Variants in NTM observed in about 807,000 individuals in gnomAD.
NTM encodes neurotrimin, also known as IgLON family member 2.
In NTM, 13 loss-of-function variants were observed where a neutral mutation model predicts 42.1. The observed-to-expected ratio is 0.31, with a 90% CI of 0.20 to 0.49. The LOEUF is 0.49. NTM is among the 20% of genes least tolerant of loss of function. NTM has a pLI of 0.99. For missense variants in NTM, 373 were observed against 452.8 expected (o/e 0.82, Z 1.60); for synonymous variants, 187 against 179.2 (o/e 1.04, Z -0.35).
chr11:131,711,005 C>T (rs1278231539), intron 1 of NTM, among the ~76,000 whole-genome samples: 1 of 152,188 alleles, frequency 6.6e-6, no homozygotes, highest in Non-Finnish European at 1.5e-5. Context: ...CTTCTTCTCT[C>T]TCCTTATTCT....
At chr11:131,464,981 A>C (rs1338510952) in intron 1 of NTM, among the ~76,000 whole-genome samples, 3 of 152,202 alleles carry the variant, frequency 2.0e-5, no homozygotes, top group Non-Finnish European at 2.9e-5. Flanking sequence ...CTTTGGAAAA[A>C]TCACACATGT....
At chr11:131,818,235 TCCCACCAC>T (rs1016391516) in intron 1 of NTM, among the ~76,000 whole-genome samples, 1 of 140,228 alleles carries the variant, frequency 7.1e-6, no homozygotes, top group African/African-American at 3.3e-5. Context: ...CTCAGAGGGC[TCCCACCAC>T]CCAGGCCTGC....
Position 132,014,520 on chromosome 11 carries a change from GA to G in NTM, c.167+102873del, listed in dbSNP as rs141233434. Among the ~76,000 whole-genome samples the G allele has an allele frequency of 6.6e-3, 1,001 of 152,062 alleles. 14 individuals carry two copies. The highest frequency in any genetic ancestry group is 0.022 in the African/African-American group (934 of 41,520). ...TTACATTCCCACCAGCAGTATGTAAGAGTTGCCTTTTCTCTGCTTTCTGCAT... is the reference window on the plus strand; with the variant it reads ...TTACATTCCCACCAGCAGTATGTAAGGTTGCCTTTTCTCTGCTTTCTGCAT... On this transcript the variant is annotated intron_variant, in intron 2 of 8. Transcript: ENST00000683400.
At chr11:131,884,240 T>C (rs2050004085) in intron 1 of NTM, among the ~76,000 whole-genome samples, 1 of 151,994 alleles carries the variant, frequency 6.6e-6, no homozygotes, top group Non-Finnish European at 1.5e-5. Flanking sequence ...AGAAACCCTA[T>C]CTCTACTAAA....
intron 7 of NTM, 69 bp downstream of exon 7, chr11:132,314,772 G>T: frequency 6.7e-7 from 1 of 1,498,072 alleles, no homozygotes. Context: ...GGGTGGGAGG[G>T]CCCCTCAAGG....
At chr11:132,225,509 T>G (rs1257537740) in intron 4 of NTM, among the ~76,000 whole-genome samples, 1 of 151,954 alleles carries the variant, frequency 6.6e-6, no homozygotes, top group Non-Finnish European at 1.5e-5. Flanking sequence ...ATGCATTTGG[T>G]GCGTATGAAG....
chr11:131,450,331 G>T (rs879517082), intron 1 of NTM, among the ~76,000 whole-genome samples: 1 of 152,160 alleles, frequency 6.6e-6, no homozygotes, highest in South Asian at 2.1e-4. Flanking sequence ...GAAGTGGCTC[G>T]TGGCTTCCAC....
chr11:131,644,505 C>A (rs990046669), intron 1 of NTM, among the ~76,000 whole-genome samples: 3 of 152,178 alleles, frequency 2.0e-5, no homozygotes, highest in African/African-American at 4.8e-5. Context: ...TACTACTTAG[C>A]CTGCTCTTGC....
chr11:131,929,735 G>T (rs1235678915), intron 2 of NTM, among the ~76,000 whole-genome samples: 1 of 152,074 alleles, frequency 6.6e-6, no homozygotes, highest in Non-Finnish European at 1.5e-5. Context: ...TGGTCATATC[G>T]TGAAGGTTTC....
chr11:132,314,847 C>A, intron 7 of NTM, 144 bp downstream of exon 7: 1 of 1,385,868 alleles, frequency 7.2e-7, no homozygotes, highest in Admixed American at 3.2e-5. Context: ...GAGAGAGACA[C>A]AGAAAGAAAT....
intron 4 of NTM, among the ~76,000 whole-genome samples, chr11:132,237,842 C>G (rs1405772001): frequency 6.6e-6 from 1 of 152,178 alleles, no homozygotes; most frequent in Non-Finnish European, 1.5e-5. Context: ...CGAGGAAATT[C>G]GCTGAACCCT....
At chr11:131,443,075 A>G (rs1025456482) in intron 1 of NTM, among the ~76,000 whole-genome samples, 1 of 152,180 alleles carries the variant, frequency 6.6e-6, no homozygotes, top group Admixed American at 6.5e-5. Flanking sequence ...CCATAGAAGG[A>G]GATATTCTTA....
At chr11:132,281,703 T>C (rs928101431) in intron 4 of NTM, among the ~76,000 whole-genome samples, 10 of 152,270 alleles carry the variant, frequency 6.6e-5, no homozygotes, top group African/African-American at 2.4e-4. Context: ...TTTCACATCA[T>C]ACATGGGTCA....
At chr11:131,965,124 G>A (rs2062669521) in intron 2 of NTM, among the ~76,000 whole-genome samples, 2 of 152,116 alleles carry the variant, frequency 1.3e-5, no homozygotes, top group South Asian at 2.1e-4. Flanking sequence ...AGGGAGACAG[G>A]AGCTCCGAAA....
chr11:131,494,902 C>CT (rs1258556707), intron 1 of NTM, among the ~76,000 whole-genome samples: 1 of 152,214 alleles, frequency 6.6e-6, no homozygotes, highest in Non-Finnish European at 1.5e-5. Context: ...CTCTCCCTCT[C>CT]TTCCTCCCAA....
chr11:131,551,495 G>T (rs1286128301), intron 1 of NTM, among the ~76,000 whole-genome samples: 3 of 151,582 alleles, frequency 2.0e-5, no homozygotes, highest in African/African-American at 7.3e-5. Context: ...TCAATTCTCA[G>T]TGTACACAGA....
chr11:132,019,680 A>AC (rs2074025822), intron 2 of NTM, among the ~76,000 whole-genome samples: 1 of 152,012 alleles, frequency 6.6e-6, no homozygotes, highest in Non-Finnish European at 1.5e-5. Flanking sequence ...CATGGTATAT[A>AC]TATTCATCCT....
intron 1 of NTM, among the ~76,000 whole-genome samples, chr11:131,376,772 C>T (rs1942030690): frequency 6.6e-6 from 1 of 151,762 alleles, no homozygotes; most frequent in Non-Finnish European, 1.5e-5. Flanking sequence ...TTCAAATTCA[C>T]TCGCTAGTGG....
intron 4 of NTM, among the ~76,000 whole-genome samples, chr11:132,272,172 C>A (rs775174490): frequency 2.0e-4 from 31 of 152,056 alleles, no homozygotes; most frequent in Non-Finnish European, 3.4e-4. Context: ...TGCCAAAAAT[C>A]ATTTGATCAT....
Sources: allele counts gnomAD v4.1 joint callset (sites outside exome capture counted in the v4.1 genomes callset), GRCh38; gene constraint gnomAD v4.1.1; transcripts MANE v1.5; gene names NCBI Gene and HGNC (gene_info 2026-07-23, HGNC 2026-07-21).